The following ENOSF1 variants were observed in gnomAD, a reference collection of about 807,000 sequenced individuals.
The protein encoded by ENOSF1 is mitochondrial enolase superfamily member 1.
ENOSF1 carries 73 observed loss-of-function variants against 68.2 expected under a neutral mutation model. That is an observed-to-expected ratio of 1.07 (90% CI 0.89 to 1.30). ENOSF1 has a LOEUF of 1.30. Ranked by LOEUF, ENOSF1 falls within the 50% of genes most tolerant of loss-of-function variation. The pLI is 0.00. For synonymous variants in ENOSF1, 223 were observed against 210.4 expected (o/e 1.06, Z -0.52); for missense variants, 589 against 554.5 (o/e 1.06, Z -0.62).
chr18:691,150 G>C, intron 6 of ENOSF1, 44 bp from the exon 7 acceptor site: 1 of 1,613,370 alleles, frequency 6.2e-7, no homozygotes, highest in African/African-American at 1.3e-5. Context: ...AGGAAACAAA[G>C]CATGCCACTA....
chr18:712,626 G>C lies in ENOSF1; in HGVS notation c.-39C>G, dbSNP rs557742828. On this transcript the variant is annotated 5_prime_UTR_variant, in exon 1 of 16. Transcript: ENST00000647584. ...CGTGGCCGCGGCCCCCGTGCGGTCA[G>C]GACTGGTCGGGATCCCGAGCGCGCG... 1.0e-5 allele frequency: 15 copies of C among 1,503,018 alleles called. No individual in the cohort carries two copies. The African/African-American group carries it at 1.3e-4, about 13-fold the overall frequency. 93.1% of individuals were successfully genotyped at this position (1,503,018 alleles called of 1,614,324 possible).
At chr18:691,434 C>A in intron 5 of ENOSF1, 158 bp from the exon 6 acceptor site, 1 of 622,836 alleles carries the variant, frequency 1.6e-6, no homozygotes, top group Non-Finnish European at 2.8e-6. Context: ...CAGCCTCAGT[C>A]TCCCTGGCTT....
chr18:704,541 C>G (rs1255842774), intron 2 of ENOSF1, among the ~76,000 whole-genome samples: 1 of 147,820 alleles, frequency 6.8e-6, no homozygotes, highest in Non-Finnish European at 1.5e-5. Flanking sequence ...ATGATCATTT[C>G]TTTTATGTCT....
At chr18:687,618 G>A (rs2076735343) in intron 9 of ENOSF1, 1 of 152,156 alleles carries the variant, frequency 6.6e-6, no homozygotes, top group Admixed American at 6.5e-5. Flanking sequence ...AAGAGATGAT[G>A]GTCCCTCTGC....
At position 671,603 on chromosome 18, in the gene ENOSF1, G is replaced by A; in HGVS notation, c.*2702C>T. On this transcript the variant is annotated 3_prime_UTR_variant, in exon 16 of 16. Coordinates refer to ENST00000647584, the MANE Select transcript of ENOSF1 (RefSeq NM_017512.7). ...TTAGGGAGAAGTGGTGGGCAGGTGG[G>A]CAGGACAAGGCAGGCATCTGCCTCA... The A allele has an allele frequency of 1.5e-6, 1 of 658,682 alleles. No homozygotes were observed. The highest frequency in any genetic ancestry group is 2.7e-6 in the Non-Finnish European group (1 of 372,388). The allele number at this position is 658,682 out of a possible 1,614,324, so 40.8% of individuals were successfully genotyped here. A position where few individuals can be genotyped will look rare whatever the true frequency, so the allele number is the denominator to read the frequency against.
intron 1 of ENOSF1, among the ~76,000 whole-genome samples, chr18:709,580 G>A (rs2079293046): frequency 6.6e-6 from 1 of 152,216 alleles, no homozygotes; most frequent in Admixed American, 6.5e-5. Context: ...AGACCAGCCT[G>A]GACAACATGG....
At chr18:703,387 C>T (rs2078583664) in intron 2 of ENOSF1, among the ~76,000 whole-genome samples, 1 of 91,180 alleles carries the variant, frequency 1.1e-5, no homozygotes, top group Non-Finnish European at 2.1e-5. Context: ...AATGGCCTAA[C>T]ATTATCTTGT....
intron 1 of ENOSF1, 141 bp downstream of exon 1, chr18:712,363 G>T (rs2079676028): frequency 7.0e-7 from 1 of 1,427,498 alleles, no homozygotes; most frequent in Non-Finnish European, 9.2e-7. Context: ...CGCGTACCAT[G>T]GCGTCCGCGC....
chr18:692,832 C>T (rs2077337172), intron 5 of ENOSF1: 9 of 1,049,412 alleles, frequency 8.6e-6, no homozygotes, highest in African/African-American at 3.4e-5. Context: ...CCGGAAGCCA[C>T]TCTCCATGTC....
chr18:709,282 C>A (rs945843995), intron 1 of ENOSF1, among the ~76,000 whole-genome samples: 16 of 151,808 alleles, frequency 1.1e-4, no homozygotes, highest in Non-Finnish European at 2.1e-4. Context: ...GACACTGAGG[C>A]CTGAGCCTCA....
chr18:711,899 AG>A (rs1432475541), intron 1 of ENOSF1, among the ~76,000 whole-genome samples: 2 of 152,170 alleles, frequency 1.3e-5, no homozygotes, highest in Non-Finnish European at 2.9e-5. Context: ...CAAGAGACCC[AG>A]AGAGGTCTGG....
At chr18:678,180 G>A (rs1307007010) in intron 12 of ENOSF1, 7 of 318,702 alleles carry the variant, frequency 2.2e-5, no homozygotes, top group Non-Finnish European at 3.5e-5. Flanking sequence ...TGAAGCATCA[G>A]GATGAAATAC....
At chr18:675,196 G>A (rs992935287) in intron 15 of ENOSF1, 125 bp downstream of exon 15, 13 of 754,626 alleles carry the variant, frequency 1.7e-5, no homozygotes, top group South Asian at 1.3e-4. Context: ...CTGAAGAACC[G>A]TTTGTTAGTG....
At position 674,130 on chromosome 18, in the gene ENOSF1, T is replaced by G; in HGVS notation, c.*175A>C. On this transcript the variant is annotated 3_prime_UTR_variant, in exon 16 of 16. Transcript: ENST00000647584. ...AAGGATTAAGTAGGATAACGTGCATTGATTTGCTAAAAGAATCAAGTAATA... is the reference window on the plus strand; with the variant it reads ...AAGGATTAAGTAGGATAACGTGCATGGATTTGCTAAAAGAATCAAGTAATA... 1 of 571,142 alleles carries G rather than the reference T, an allele frequency of 1.8e-6. No homozygotes were observed. The highest frequency in any genetic ancestry group is 3.1e-6 in the Non-Finnish European group (1 of 323,234). The allele number at this position is 571,142 out of a possible 1,614,324, so 35.4% of individuals were successfully genotyped here.
intron 5 of ENOSF1, chr18:692,881 G>A (rs1005741931): frequency 1.2e-5 from 13 of 1,100,110 alleles, no homozygotes; most frequent in South Asian, 9.2e-5. Context: ...ACTTTCCTCC[G>A]GAGGAGGAGC....
downstream of ENOSF1, among the ~76,000 whole-genome samples, chr18:667,992 A>ATTTTTTTTTTTTTTTTTTT (rs60409589): frequency 2.8e-4 from 29 of 105,356 alleles, 5 homozygotes; most frequent in African/African-American, 5.0e-4. Flanking sequence ...ATTCACAGGA[A>ATTTTTTTTTTTTTTTTTTT]TTTTTTTTTT....
intron 12 of ENOSF1, among the ~76,000 whole-genome samples, chr18:678,153 G>A (rs1223806401): frequency 3.9e-5 from 6 of 152,202 alleles, no homozygotes; most frequent in East Asian, 1.9e-4. Flanking sequence ...CTGTCACAGC[G>A]ACTGATAAGT....
intron 8 of ENOSF1, among the ~76,000 whole-genome samples, chr18:689,689 ATCGCTGCCCCCC>A (rs948495512): frequency 3.9e-5 from 6 of 151,910 alleles, no homozygotes; most frequent in African/African-American, 1.5e-4. Context: ...CTCTGCCCCC[ATCGCTGCCCCCC>A]TATTTCCTAA....
chr18:706,803 A>G (rs199948704), intron 1 of ENOSF1: 5,472 of 104,166 alleles, frequency 0.053, 396 homozygotes, highest in East Asian at 0.17. Flanking sequence ...CAATGTATGT[A>G]TATATATATA....
Sources: allele counts gnomAD v4.1 joint callset (sites outside exome capture counted in the v4.1 genomes callset), GRCh38; gene constraint gnomAD v4.1.1; transcripts MANE v1.5; gene names NCBI Gene and HGNC (gene_info 2026-07-23, HGNC 2026-07-21).